FIP1L1: variants seen among roughly 807,000 people sequenced by gnomAD.
FIP1L1 encodes pre-mRNA 3'-end-processing factor FIP1.
In FIP1L1, 21 loss-of-function variants were observed where a neutral mutation model predicts 84.6. The observed-to-expected ratio is 0.25, with a 90% confidence interval of 0.18 to 0.36. The LOEUF is 0.36. Among genes scored for constraint, FIP1L1 ranks in the 10% least tolerant of loss-of-function variants. The pLI, the probability that FIP1L1 is intolerant of heterozygous loss-of-function variation, is 1.00. For missense variants in FIP1L1, 526 were observed against 751.1 expected, an observed-to-expected ratio of 0.70 and a Z score of 3.50; for synonymous variants, 263 against 242.3, an observed-to-expected ratio of 1.09 and a Z score of -0.80.
chr4:53,420,210 A>AC (rs1327219864), intron 11 of FIP1L1, among the ~76,000 whole-genome samples: 47 of 123,278 alleles, frequency 3.8e-4, no homozygotes, highest in African/African-American at 1.6e-3. Flanking sequence ...AAAAAAAAAA[A>AC]AAAAAAAAAA....
intron 15 of FIP1L1, among the ~76,000 whole-genome samples, 184 bp from the exon 16 acceptor site, chr4:53,452,736 A>G (rs1468963426): frequency 6.6e-6 from 1 of 152,178 alleles, no homozygotes; most frequent in Non-Finnish European, 1.5e-5. Context: ...GGGTCTTTAT[A>G]TGTTAGGTTT....
chr4:53,382,042 T>C (rs551643302), intron 3 of FIP1L1, among the ~76,000 whole-genome samples: 1 of 151,990 alleles, frequency 6.6e-6, no homozygotes, highest in Non-Finnish European at 1.5e-5. Flanking sequence ...GTGCTGGGAT[T>C]ACAGGCATGA....
chr4:53,439,450 A>G lies in FIP1L1; in HGVS notation c.1175-3203A>G, dbSNP rs112686718. Reference sequence around the variant, plus strand: ...CCATTTGCTACCTTAAGATCTTTTTAATCTAAATCTCTTACTCTGATAAAA... The same window carrying G: ...CCATTTGCTACCTTAAGATCTTTTTGATCTAAATCTCTTACTCTGATAAAA... On this transcript the variant is annotated intron_variant, in intron 13 of 17. Coordinates refer to ENST00000337488, the MANE Select transcript of FIP1L1 (RefSeq NM_030917.4). Among the ~76,000 whole-genome samples the G allele has an allele frequency of 6.6e-3, 1,009 of 152,180 alleles. 12 individuals are homozygous for G. The highest frequency in any genetic ancestry group is 0.023 in the African/African-American group (973 of 41,560).
intron 10 of FIP1L1, among the ~76,000 whole-genome samples, chr4:53,414,386 A>G (rs550692692): frequency 1.5e-4 from 23 of 152,226 alleles, no homozygotes; most frequent in African/African-American, 2.4e-4. Flanking sequence ...ACATCATACT[A>G]TGTTGAAGAA....
At chr4:53,449,072 T>A (rs767749758) in intron 15 of FIP1L1, among the ~76,000 whole-genome samples, 3 of 152,138 alleles carry the variant, frequency 2.0e-5, no homozygotes. Flanking sequence ...TTGCTCCTTT[T>A]TTTTTCAGAT....
chr4:53,389,297 TGC>T (rs947710263), intron 5 of FIP1L1, among the ~76,000 whole-genome samples: 5 of 152,204 alleles, frequency 3.3e-5, no homozygotes, highest in African/African-American at 4.8e-5. Context: ...ATTTTACTTA[TGC>T]TTAAGAGTGC....
intron 15 of FIP1L1, among the ~76,000 whole-genome samples, chr4:53,444,634 G>T (rs1477325985): frequency 6.6e-6 from 1 of 152,016 alleles, no homozygotes; most frequent in African/African-American, 2.4e-5. Flanking sequence ...CTTGTCTGTT[G>T]CCTAGGCTGG....
intron 15 of FIP1L1, among the ~76,000 whole-genome samples, chr4:53,452,170 C>T (rs555531856): frequency 2.0e-5 from 3 of 152,254 alleles, no homozygotes; most frequent in Admixed American, 1.3e-4. Context: ...GCATGAGCCA[C>T]TGCACCTGGC....
rs11723755 is a variant in FIP1L1 at position 53,444,114 on chromosome 4, T to G, written c.1285+11T>G. ...TTCCATATGGCAATGGTAAGTAGTA[T>G]TATTTAGATGCCTAGATTCAGTTTG... On this transcript the variant is annotated intron_variant, in intron 15 of 17. Coordinates refer to ENST00000337488, the MANE Select transcript of FIP1L1 (RefSeq NM_030917.4). 0.63 allele frequency: 972,268 copies of G among 1,550,066 alleles called. 312,414 individuals are homozygous for G. Among genetic ancestry groups the G allele is most frequent in the Non-Finnish European group, 0.67 (746,775 of 1,122,282 alleles).
chr4:53,423,651 G>T (rs1185789845), intron 11 of FIP1L1, among the ~76,000 whole-genome samples: 1 of 152,092 alleles, frequency 6.6e-6, no homozygotes, highest in Non-Finnish European at 1.5e-5. Context: ...TATGATTAAA[G>T]TAAATCAGTT....
At position 53,460,567 on chromosome 4, in the gene FIP1L1, G is replaced by A; in HGVS notation, c.*1118G>A. 4.4e-6 allele frequency: 1 copy of A among 229,638 alleles called. No homozygotes were observed. The allele number at this position is 229,638 out of a possible 1,614,324, so 14.2% of individuals were successfully genotyped here. A position where few individuals can be genotyped will look rare whatever the true frequency, so the allele number is the denominator to read the frequency against. The stretch of plus-strand genomic sequence containing the variant: ...AAATGGCCATAATGTACCCTTGGCA[G>A]ACTTCAGCATATACCAAATTTTAAA... On this transcript the variant is annotated 3_prime_UTR_variant, in exon 18 of 18. Transcript: ENST00000337488.
chr4:53,400,404 C>G (rs1749613844), intron 10 of FIP1L1, among the ~76,000 whole-genome samples: 4 of 152,120 alleles, frequency 2.6e-5, no homozygotes, highest in Non-Finnish European at 5.9e-5. Context: ...AATGGTTACC[C>G]TATTATGCCA....
At position 53,437,326 on chromosome 4, in the gene FIP1L1, C is replaced by CAAAAAAA. The variant is rs55957570; in HGVS notation, c.1175-5306_1175-5300dup. Among the ~76,000 whole-genome samples the CAAAAAAA allele has an allele frequency of 5.7e-4, 37 of 64,502 alleles. 1 individual carries two copies. Among genetic ancestry groups the CAAAAAAA allele is most frequent in the African/African-American group, 1.2e-3 (22 of 18,458 alleles). 42.3% of individuals were successfully genotyped at this position (64,502 alleles called of 152,430 possible). A position where few individuals can be genotyped will look rare whatever the true frequency, so the allele number is the denominator to read the frequency against. ...CAACAGTGTGAGACCCTGTCTCAAC[C>CAAAAAAA]AAAAAAAAAAAAAAAAAAAAAAAAA... On this transcript the variant is annotated intron_variant, in intron 13 of 17. Transcript: ENST00000337488.
In FIP1L1 at chr4:53,394,508, A is replaced by G. The variant is rs80353190; in HGVS notation, c.705+3010A>G. ...TTCCAGTATTCTATCTAGAGGGTAT[A>G]TACTTGGCTGATGCAAATGTTCTGG... On this transcript the variant is annotated intron_variant, in intron 9 of 17. Transcript: ENST00000337488. 8.8e-3 allele frequency among the ~76,000 whole-genome samples: 1,343 copies of G among 152,256 alleles called. 22 individuals carry two copies. The highest frequency in any genetic ancestry group is 0.03 in the African/African-American group (1,266 of 41,564).
At chr4:53,458,021 C>CAGAT (rs1720286770) in intron 16 of FIP1L1, among the ~76,000 whole-genome samples, 1 of 152,152 alleles carries the variant, frequency 6.6e-6, no homozygotes, top group Admixed American at 6.6e-5. Flanking sequence ...CCTGCCCACA[C>CAGAT]AGATGTAATT....
At chr4:53,420,315 C>G (rs1761854351) in intron 11 of FIP1L1, among the ~76,000 whole-genome samples, 1 of 148,504 alleles carries the variant, frequency 6.7e-6, no homozygotes, top group Non-Finnish European at 1.5e-5. Context: ...GTCCGTAATC[C>G]CAGCTCGGGA....
chr4:53,416,838 C>T (rs1170614746), intron 11 of FIP1L1, among the ~76,000 whole-genome samples: 2 of 151,962 alleles, frequency 1.3e-5, no homozygotes, highest in Non-Finnish European at 2.9e-5. Flanking sequence ...GTCACAGTCA[C>T]CTGTAATCCC....
chr4:53,393,435 T>C (rs930918042), intron 9 of FIP1L1, among the ~76,000 whole-genome samples: 3 of 152,234 alleles, frequency 2.0e-5, no homozygotes, highest in African/African-American at 7.2e-5. Context: ...CAGTAACAAG[T>C]AGAATAGTAC....
At chr4:53,444,738 T>C (rs1159688138) in intron 15 of FIP1L1, among the ~76,000 whole-genome samples, 1 of 152,054 alleles carries the variant, frequency 6.6e-6, no homozygotes, top group Non-Finnish European at 1.5e-5. Flanking sequence ...TGCATCACCA[T>C]GCCGGGCTAA....
Sources: allele counts gnomAD v4.1 joint callset (sites outside exome capture counted in the v4.1 genomes callset), GRCh38; gene constraint gnomAD v4.1.1; transcripts MANE v1.5; gene names NCBI Gene and HGNC (gene_info 2026-07-23, HGNC 2026-07-21).